MFSD12: variants seen among roughly 807,000 people sequenced by gnomAD.
The protein encoded by MFSD12 is major facilitator superfamily domain containing 12.
Under a neutral mutation model 51.2 loss-of-function variants are expected in MFSD12, and 67 were observed. The observed-to-expected ratio is 1.31, with a 90% CI of 1.08 to 1.60. The LOEUF (loss-of-function observed/expected upper bound fraction) is 1.60, where lower values mean the gene tolerates loss of function less well. MFSD12 is among the 40% of genes most tolerant of loss of function. MFSD12 has a pLI of 0.00. For synonymous variants in MFSD12, 441 were observed against 316.7 expected, an observed-to-expected ratio of 1.39 and a Z score of -4.17; for missense variants, 921 against 673.0, an observed-to-expected ratio of 1.37 and a Z score of -4.08.
intron 1 of MFSD12, among the ~76,000 whole-genome samples, chr19:3,556,478 A>G (rs2031728298): frequency 6.6e-6 from 1 of 151,638 alleles, no homozygotes. Context: ...GGGCAGTTAA[A>G]CAGACAGATG....
downstream of MFSD12, chr19:3,543,113 AG>A: frequency 6.6e-7 from 1 of 1,524,368 alleles, no homozygotes; most frequent in African/African-American, 1.4e-5. Flanking sequence ...CCAAGTGGCG[AG>A]GGAGGGAGAC....
intron 1 of MFSD12, among the ~76,000 whole-genome samples, chr19:3,556,264 G>A (rs886451005): frequency 1.3e-5 from 2 of 152,224 alleles, no homozygotes; most frequent in African/African-American, 4.8e-5. Flanking sequence ...TAATAGACGA[G>A]CTCAGGCTAG....
downstream of MFSD12, chr19:3,543,427 C>T (rs1478933572): frequency 2.6e-6 from 4 of 1,546,956 alleles, no homozygotes; most frequent in Non-Finnish European, 3.5e-6. Context: ...AGGCCTACAA[C>T]CGCTGGCACA....
At chr19:3,546,230 AC>A in intron 7 of MFSD12, 24 bp downstream of exon 7, 1 of 1,604,184 alleles carries the variant, frequency 6.2e-7, no homozygotes, top group Non-Finnish European at 8.5e-7. Flanking sequence ...GGCCTCCCCC[AC>A]CCCAGCCTGG....
downstream of MFSD12, chr19:3,543,566 C>A (rs1001730263): frequency 1.6e-5 from 25 of 1,540,008 alleles, no homozygotes; most frequent in Non-Finnish European, 2.2e-5. Flanking sequence ...CTACACCCAG[C>A]ACCTGCGGGA....
downstream of MFSD12, chr19:3,542,889 G>A: frequency 2.1e-6 from 3 of 1,406,860 alleles, no homozygotes; most frequent in Non-Finnish European, 2.9e-6. Context: ...AGGGACTTGT[G>A]GGTCTTGGAG....
chr19:3,547,265 C>T lies in MFSD12; in HGVS notation c.1023+7G>A, dbSNP rs1302823278. 1 of 1,611,806 alleles carries T rather than the reference C, an allele frequency of 6.2e-7. No individual in the cohort carries two copies. Among genetic ancestry groups the T allele is most frequent in the East Asian group, 2.2e-5 (1 of 44,856 alleles). Reference sequence around the variant, plus strand: ...GCCCCAGCTGTCCCCGGTCCCCGCCCACTCACGTTCCTCCCAATGCACTTG... The same window carrying T: ...GCCCCAGCTGTCCCCGGTCCCCGCCTACTCACGTTCCTCCCAATGCACTTG... On this transcript the variant is annotated splice_region_variant and intron_variant, in intron 6 of 9. Coordinates refer to ENST00000355415, the MANE Select transcript of MFSD12 (RefSeq NM_174983.5).
chr19:3,557,076 C>T, intron 1 of MFSD12, 30 bp downstream of exon 1: 3 of 1,420,870 alleles, frequency 2.1e-6, no homozygotes, highest in Admixed American at 3.1e-5. Flanking sequence ...GGAGGGGCTG[C>T]CCGACAGGTG....
chr19:3,549,754 T>C (rs1169501403), intron 2 of MFSD12, among the ~76,000 whole-genome samples: 5 of 142,464 alleles, frequency 3.5e-5, no homozygotes, highest in South Asian at 4.4e-4. Context: ...CCAGGCACAG[T>C]GGCTCACGCC....
downstream of MFSD12, chr19:3,541,650 T>C: frequency 7.1e-6 from 7 of 984,770 alleles, no homozygotes; most frequent in Non-Finnish European, 8.4e-6. Context: ...TTTAAAAAAA[T>C]GGAGATGCAG....
At position 3,557,292 on chromosome 19, in the gene MFSD12, T is replaced by C. The variant is rs769618059; in HGVS notation, c.112A>G (p.Met38Val). The C allele has an allele frequency of 1.3e-6, 2 of 1,596,416 alleles. No homozygotes were observed. The highest frequency in any genetic ancestry group is 2.3e-5 in the South Asian group (2 of 88,328). ...TAGAGCAGCAGGTAGGTGAACCACA[T>C]GGACGCGCACAGGTCGTTGAGGAAG... is the stretch of plus-strand genomic sequence containing the variant. The part of the protein sequence containing the change: ...GHFLNDLCAS[M>V]WFTYLLLYLH... The change falls in exon 1 of 10, where the codon ATG becomes GTG. Residue 38 changes from methionine (M) to valine (V), a missense_variant. By Grantham distance (21) the Met-to-Val change is conservative. Transcript: ENST00000355415.
At chr19:3,556,330 G>C (rs1638541) in intron 1 of MFSD12, among the ~76,000 whole-genome samples, 70,190 of 152,104 alleles carry the variant, frequency 0.46, 17,512 homozygotes, top group East Asian at 0.85. Flanking sequence ...GAGGGTTCAG[G>C]GTGGCCCGGG....
intron 4 of MFSD12, 93 bp from the exon 5 acceptor site, chr19:3,547,640 G>A (rs560187834): frequency 7.8e-7 from 1 of 1,276,764 alleles, no homozygotes; most frequent in East Asian, 2.5e-5. Flanking sequence ...TGGGCGCCCT[G>A]CAGCTGGCAT....
chr19:3,543,955 A>G, downstream of MFSD12: 1 of 1,550,480 alleles, frequency 6.4e-7, no homozygotes, highest in Non-Finnish European at 8.7e-7. Context: ...CTGGAACCAT[A>G]CTGCCCCTCC....
At position 3,548,023 on chromosome 19, in the gene MFSD12, G is replaced by T. The variant is rs1474879409; in HGVS notation, c.662C>A (p.Ser221Tyr). 6.3e-7 allele frequency: 1 copy of T among 1,599,838 alleles called. No homozygotes were observed. The highest frequency in any genetic ancestry group is 8.5e-7 in the Non-Finnish European group (1 of 1,179,474). ...GQDVPVFRNL[S>Y]LLVVGVGAVF... is the part of the protein sequence containing the mutation. Reference sequence around the variant, plus strand: ...GGCGCCGACACCCACCACCAGCAGGGACAGGTTCTGGGGATGCAGCAGAAG... The same window carrying T: ...GGCGCCGACACCCACCACCAGCAGGTACAGGTTCTGGGGATGCAGCAGAAG... The change falls in exon 4 of 10, where the codon TCC becomes TAC. Residue 221 changes from serine (S) to tyrosine (Y), a missense_variant. Coordinates refer to ENST00000355415, the MANE Select transcript of MFSD12 (RefSeq NM_174983.5).
At chr19:3,543,682 T>C (rs1568250668), downstream of MFSD12, 39 of 1,532,358 alleles carry the variant, frequency 2.5e-5, no homozygotes, top group Non-Finnish European at 3.2e-5. Flanking sequence ...AGGAATACGG[T>C]GAGGCTAGGT....
At position 3,544,750 on chromosome 19, in the gene MFSD12, A is replaced by C. The variant is rs1298831877; in HGVS notation, c.1421-18T>G. 1 of 1,604,948 alleles carries C rather than the reference A, an allele frequency of 6.2e-7. No homozygotes were observed. The highest frequency in any genetic ancestry group is 1.7e-5 in the Admixed American group (1 of 59,550). ...ACGGTCCCCTGCAAGGGAGGGGTGG[A>C]AATGGCATTAGAGAGTGTGGGTCAG... is the stretch of plus-strand genomic sequence containing the variant. On this transcript the variant is annotated intron_variant, in intron 9 of 9. Coordinates refer to ENST00000355415, the MANE Select transcript of MFSD12 (RefSeq NM_174983.5).
In MFSD12 at chr19:3,546,309, G is replaced by GGCACAGCCAGCACCCAGCA; in HGVS notation, c.1121_1139dup (p.Thr381AlafsTer39). On this transcript the variant is annotated frameshift_variant, in exon 7 of 10. Transcript: ENST00000355415. LOFTEE classifies it high-confidence loss of function. ...TGGCCAGCGAGGTGACGAGGATGGT[G>GGCACAGCCAGCACCCAGCA]GCACAGCCAGCACCCAGCAGCACAG... is the stretch of plus-strand genomic sequence containing the variant. The GGCACAGCCAGCACCCAGCA allele has an allele frequency of 6.2e-7, 1 of 1,609,732 alleles. No individual in the cohort carries two copies. The highest frequency in any genetic ancestry group is 8.5e-7 in the Non-Finnish European group (1 of 1,178,900).
At chr19:3,539,379 C>T (rs1315887305), downstream of MFSD12, 2 of 654,050 alleles carry the variant, frequency 3.1e-6, no homozygotes, top group Non-Finnish European at 5.4e-6. Flanking sequence ...TCCTAAAAGG[C>T]TCATGTGTGT....
Sources: gnomAD v4.1 joint callset for allele counts (sites outside exome capture counted in the v4.1 genomes callset) on GRCh38, gnomAD v4.1.1 for gene constraint, MANE v1.5 for transcripts, NCBI Gene and HGNC (gene_info 2026-07-23, HGNC 2026-07-21) for gene names.